The following STIM2 variants were observed in gnomAD, a reference collection of about 807,000 sequenced individuals.
STIM2 encodes stromal interaction molecule 2.
Under a neutral mutation model 85.8 loss-of-function variants are expected in STIM2, and 31 were observed. That is an observed-to-expected ratio of 0.36 (90% confidence interval 0.27 to 0.49). The LOEUF (loss-of-function observed/expected upper bound fraction) is 0.49. Ranked by LOEUF, STIM2 falls within the 20% of genes least tolerant of loss-of-function variation. The probability of loss-of-function intolerance (pLI) is 0.98; values close to 1 mark genes in which losing one functional copy is unlikely to be tolerated. For missense variants in STIM2, 841 were observed against 927.6 expected (o/e 0.91, Z 1.21); for synonymous variants, 356 against 331.1 (o/e 1.08, Z -0.82).
chr4:26,880,632 T>TAAATATATATGTAAATATATATAA (rs1722970972), intron 1 of STIM2, among the ~76,000 whole-genome samples: 2 of 147,080 alleles, frequency 1.4e-5, no homozygotes, highest in Non-Finnish European at 3.0e-5. Flanking sequence ...AATATATATA[T>TAAATATATATGTAAATATATATAA]AAATATATAT....
intron 1 of STIM2, among the ~76,000 whole-genome samples, chr4:26,915,253 GA>G (rs1489459842): frequency 6.6e-6 from 1 of 151,904 alleles, no homozygotes; most frequent in East Asian, 1.9e-4. Context: ...TATATTTTTT[GA>G]GACAGAGTCT....
chr4:26,968,136 A>T (rs1433885297), intron 3 of STIM2, among the ~76,000 whole-genome samples: 1 of 152,164 alleles, frequency 6.6e-6, no homozygotes, highest in African/African-American at 2.4e-5. Context: ...GTGCCACTGC[A>T]CTACAGCCTG....
chr4:26,952,703 A>G (rs2109089770), intron 2 of STIM2, among the ~76,000 whole-genome samples: 1 of 152,244 alleles, frequency 6.6e-6, no homozygotes, highest in Non-Finnish European at 1.5e-5. Context: ...CAGTTTTAAG[A>G]TGAAGAGAGA....
intron 3 of STIM2, among the ~76,000 whole-genome samples, chr4:26,958,765 T>C (rs186953759): frequency 1.3e-5 from 2 of 152,118 alleles, no homozygotes; most frequent in Non-Finnish European, 1.5e-5. Context: ...TAAACAAATA[T>C]CAGTTTCATG....
intron 2 of STIM2, among the ~76,000 whole-genome samples, chr4:26,955,080 AGAATTCTTAG>A (rs1457397588): frequency 6.8e-6 from 1 of 146,688 alleles, no homozygotes; most frequent in Non-Finnish European, 1.5e-5. Flanking sequence ...TTTATTTCTA[AGAATTCTTAG>A]GAATTCTTAG....
intron 1 of STIM2, among the ~76,000 whole-genome samples, chr4:26,882,616 C>T (rs190471467): frequency 2.0e-5 from 3 of 151,922 alleles, no homozygotes; most frequent in African/African-American, 7.2e-5. Context: ...CATGTGCCAC[C>T]ATACCCAGCT....
intron 1 of STIM2, among the ~76,000 whole-genome samples, chr4:26,887,655 A>T (rs533933520): frequency 6.6e-6 from 1 of 152,200 alleles, no homozygotes. Flanking sequence ...AAGACCCTGT[A>T]TTAGGGTTCT....
intron 1 of STIM2, among the ~76,000 whole-genome samples, chr4:26,906,079 T>C (rs1442406542): frequency 6.6e-6 from 1 of 152,206 alleles, no homozygotes; most frequent in Non-Finnish European, 1.5e-5. Context: ...TAAGATATTA[T>C]AGAATACTGT....
At chr4:26,911,715 A>G (rs574432293) in intron 1 of STIM2, among the ~76,000 whole-genome samples, 11 of 152,300 alleles carry the variant, frequency 7.2e-5, no homozygotes, top group Admixed American at 2.6e-4. Context: ...CTGTTCTAGC[A>G]TGTAATATAT....
intron 2 of STIM2, among the ~76,000 whole-genome samples, chr4:26,920,679 A>G (rs1034427323): frequency 4.6e-5 from 7 of 152,158 alleles, no homozygotes; most frequent in African/African-American, 1.7e-4. Context: ...TTGCTATACA[A>G]AACGTTTATT....
rs1270681744 is a variant in STIM2 at position 26,861,109 on chromosome 4, C to T, written c.-110C>T. 1.8e-5 allele frequency: 22 copies of T among 1,201,578 alleles called. No homozygotes were observed. The highest frequency in any genetic ancestry group is 3.7e-5 in the South Asian group (1 of 26,732). The allele number at this position is 1,201,578 out of a possible 1,614,324, so 74.4% of individuals were successfully genotyped here. A position where few individuals can be genotyped will look rare whatever the true frequency, so the allele number is the denominator to read the frequency against. On this transcript the variant is annotated 5_prime_UTR_variant, in exon 1 of 12. Coordinates refer to ENST00000467087, the MANE Select transcript of STIM2 (RefSeq NM_020860.4). The stretch of plus-strand genomic sequence containing the variant: ...CCTCGCGGAGCCGGCGAGCTGCAGG[C>T]GGCCGGGGCGCCGCTGCGCTTTCAC...
intron 3 of STIM2, among the ~76,000 whole-genome samples, chr4:26,964,695 C>T (rs1479143504): frequency 6.6e-6 from 1 of 152,024 alleles, no homozygotes; most frequent in East Asian, 1.9e-4. Context: ...ATGAGAAAGC[C>T]CTTGTCCTAG....
intron 2 of STIM2, among the ~76,000 whole-genome samples, chr4:26,956,563 C>G (rs1013975238): frequency 6.6e-6 from 1 of 151,646 alleles, no homozygotes; most frequent in Admixed American, 6.6e-5. Flanking sequence ...CCTGCCTCAG[C>G]CTATCTCTCT....
chr4:26,913,154 A>G (rs955990287), intron 1 of STIM2, among the ~76,000 whole-genome samples: 4 of 152,134 alleles, frequency 2.6e-5, no homozygotes, highest in Non-Finnish European at 4.4e-5. Context: ...ACCAAAATCC[A>G]GTTTCACTTT....
chr4:26,918,458 G>T (rs1724673771), intron 1 of STIM2, among the ~76,000 whole-genome samples: 1 of 151,952 alleles, frequency 6.6e-6, no homozygotes, highest in Non-Finnish European at 1.5e-5. Context: ...TTGATAGTAG[G>T]GCCAGATGAT....
chr4:26,993,928 T>C lies in STIM2; in HGVS notation c.398-1451T>C, dbSNP rs540870443. The stretch of plus-strand genomic sequence containing the variant: ...TTTTTAACTTCCAAAATAAAGATAA[T>C]TATGTTAGAACCTCGTAAGTTTTTT... On this transcript the variant is annotated intron_variant, in intron 3 of 11. Coordinates refer to ENST00000467087, the MANE Select transcript of STIM2 (RefSeq NM_020860.4). 1.9e-4 allele frequency among the ~76,000 whole-genome samples: 29 copies of C among 152,264 alleles called. No homozygotes were observed. In the East Asian group the frequency reaches 3.1e-3, roughly 16 times the overall value.
chr4:26,993,488 C>G (rs1727839183), intron 3 of STIM2, among the ~76,000 whole-genome samples: 1 of 152,124 alleles, frequency 6.6e-6, no homozygotes, highest in South Asian at 2.1e-4. Flanking sequence ...TTGATGGAAA[C>G]CTAGCTTTGC....
In STIM2 at chr4:26,911,967, A is replaced by G. The variant is rs202162966; in HGVS notation, c.152-7537A>G. 5.9e-5 allele frequency among the ~76,000 whole-genome samples: 9 copies of G among 152,358 alleles called. No homozygotes were observed. The East Asian group carries it at 1.5e-3, about 26-fold the overall frequency. ...AAGACTTTGCCCTAGAGAGGGTATC[A>G]GAAGAGAAGGAAGACATTATTCACT... On this transcript the variant is annotated intron_variant, in intron 1 of 11. Transcript: ENST00000467087.
chr4:27,022,710 A>G lies in STIM2; in HGVS notation c.1955A>G (p.Asp652Gly), dbSNP rs1222451461. ...GTGGATGTGTCTTGGGGTTCTCCCG[A>G]CTGTGTAGGTCTGACAGAAACTAAG... Residue 652 changes from aspartate (D) to glycine (G), a missense_variant, in exon 12 of 12, where the codon GAC becomes GGC. Physicochemically the swap from Asp to Gly is moderately conservative, Grantham distance 94 (BLOSUM62 -1). Transcript: ENST00000467087. 2.5e-6 allele frequency: 4 copies of G among 1,614,208 alleles called. No individual in the cohort carries two copies. Among genetic ancestry groups the G allele is most frequent in the Non-Finnish European group, 3.4e-6 (4 of 1,180,042 alleles).
Sources: allele counts gnomAD v4.1 joint callset (sites outside exome capture counted in the v4.1 genomes callset), GRCh38; gene constraint gnomAD v4.1.1; transcripts MANE v1.5; gene names NCBI Gene and HGNC (gene_info 2026-07-23, HGNC 2026-07-21).